SEMA5A: variants seen among roughly 807,000 people sequenced by gnomAD.
SEMA5A encodes the protein semaphorin-5A.
In SEMA5A, 55 loss-of-function variants were observed where a neutral mutation model predicts 135.5. The observed-to-expected ratio is 0.41, with a 90% CI of 0.33 to 0.51. The LOEUF (loss-of-function observed/expected upper bound fraction) is 0.51, where lower values mean the gene tolerates loss of function less well. SEMA5A is among the 20% of genes least tolerant of loss of function. The probability of loss-of-function intolerance (pLI) is 0.37; values close to 1 mark genes in which losing one functional copy is unlikely to be tolerated. For missense variants in SEMA5A, 1,290 were observed against 1,419.9 expected (o/e 0.91, Z 1.47); for synonymous variants, 580 against 546.5 (o/e 1.06, Z -0.85).
chr5:9,350,218 C>T (rs73050560), intron 3 of SEMA5A, among the ~76,000 whole-genome samples: 1 of 152,104 alleles, frequency 6.6e-6, no homozygotes, highest in Non-Finnish European at 1.5e-5. Context: ...ACAAAACTAC[C>T]CTGCATTTAC....
chr5:9,091,899 A>G (rs1739055638), intron 16 of SEMA5A, among the ~76,000 whole-genome samples: 1 of 152,208 alleles, frequency 6.6e-6, no homozygotes, highest in African/African-American at 2.4e-5. Context: ...GTAACCACCC[A>G]AGAAAACCCA....
chr5:9,199,556 G>A (rs1375327589), intron 9 of SEMA5A, among the ~76,000 whole-genome samples: 1 of 152,168 alleles, frequency 6.6e-6, no homozygotes, highest in Non-Finnish European at 1.5e-5. Context: ...GCTTAAAGCT[G>A]GAATCAGTAT....
intron 11 of SEMA5A, among the ~76,000 whole-genome samples, chr5:9,183,277 G>C (rs1271863613): frequency 6.6e-6 from 1 of 152,162 alleles, no homozygotes; most frequent in South Asian, 2.1e-4. Context: ...GCCTGGAGGT[G>C]AAAATGGAAG....
intron 4 of SEMA5A, among the ~76,000 whole-genome samples, chr5:9,335,151 G>A (rs1753327037): frequency 6.6e-6 from 1 of 152,044 alleles, no homozygotes; most frequent in Non-Finnish European, 1.5e-5. Flanking sequence ...GAAGCTCCAG[G>A]GAAACTAGAA....
chr5:9,046,287 TC>T (rs2150031179), intron 21 of SEMA5A, among the ~76,000 whole-genome samples: 2 of 152,324 alleles, frequency 1.3e-5, no homozygotes, highest in East Asian at 3.9e-4. Flanking sequence ...GTGCTGAGCA[TC>T]ACTGTGATGC....
At chr5:9,105,689 A>T (rs1484965546) in intron 16 of SEMA5A, among the ~76,000 whole-genome samples, 2 of 152,162 alleles carry the variant, frequency 1.3e-5, no homozygotes, top group African/African-American at 2.4e-5. Context: ...GCCTTCTCCA[A>T]GGATGACACT....
chr5:9,171,908 G>A (rs908363171), intron 11 of SEMA5A, among the ~76,000 whole-genome samples: 11 of 152,126 alleles, frequency 7.2e-5, no homozygotes, highest in African/African-American at 2.4e-4. Flanking sequence ...ATATGTCCTA[G>A]GACACAGGAC....
At chr5:9,149,032 T>G (rs1455456775) in intron 12 of SEMA5A, among the ~76,000 whole-genome samples, 2 of 152,178 alleles carry the variant, frequency 1.3e-5, no homozygotes, top group African/African-American at 4.8e-5. Flanking sequence ...CCCTTTTGTT[T>G]TGATGTCATC....
Position 9,245,935 on chromosome 5 carries a change from A to G in SEMA5A, c.271-8045T>C, listed in dbSNP as rs139998014. 3.3e-3 allele frequency among the ~76,000 whole-genome samples: 507 copies of G among 152,190 alleles called. 3 individuals are homozygous for G. The highest frequency in any genetic ancestry group is 0.012 in the African/African-American group (478 of 41,528). The stretch of plus-strand genomic sequence containing the variant: ...ATGGAAGATGAGTTCCAATGACCCT[A>G]CTCCTGAACACGAATGAACCCTGCT... On this transcript the variant is annotated intron_variant, in intron 5 of 22. Coordinates refer to ENST00000382496, the MANE Select transcript of SEMA5A (RefSeq NM_003966.3).
At chr5:9,424,132 C>G (rs1757563530) in intron 2 of SEMA5A, among the ~76,000 whole-genome samples, 1 of 152,066 alleles carries the variant, frequency 6.6e-6, no homozygotes, top group South Asian at 2.1e-4. Flanking sequence ...CTGGAAAGAG[C>G]CTGGCTTTGA....
At chr5:9,378,662 G>T (rs1025823560) in intron 3 of SEMA5A, among the ~76,000 whole-genome samples, 6 of 152,172 alleles carry the variant, frequency 3.9e-5, no homozygotes, top group Non-Finnish European at 7.3e-5. Flanking sequence ...TTTGCAAAGG[G>T]TGTGAAATAA....
chr5:9,183,242 A>C (rs1172830578), intron 11 of SEMA5A, among the ~76,000 whole-genome samples: 2 of 152,142 alleles, frequency 1.3e-5, no homozygotes, highest in Non-Finnish European at 2.9e-5. Context: ...GCTTGGCTAC[A>C]TGAGAAGCCT....
At chr5:9,312,688 C>T (rs761414906) in intron 5 of SEMA5A, among the ~76,000 whole-genome samples, 8 of 152,136 alleles carry the variant, frequency 5.3e-5, no homozygotes, top group Non-Finnish European at 8.8e-5. Flanking sequence ...CAAATCTTCA[C>T]GGCTTTAGCA....
chr5:9,377,525 T>C (rs978042103), intron 3 of SEMA5A, among the ~76,000 whole-genome samples: 1 of 151,546 alleles, frequency 6.6e-6, no homozygotes, highest in South Asian at 2.1e-4. Context: ...TCCAGTGAAA[T>C]ATATACGCGA....
At chr5:9,093,276 A>G (rs914713133) in intron 16 of SEMA5A, among the ~76,000 whole-genome samples, 12 of 152,214 alleles carry the variant, frequency 7.9e-5, no homozygotes, top group African/African-American at 2.9e-4. Context: ...TAAGATCAAC[A>G]TGCTTTCTTC....
chr5:9,497,841 C>T lies in SEMA5A; in HGVS notation c.-175+47743G>A, dbSNP rs1461734411. Among the ~76,000 whole-genome samples, 5 of 152,078 alleles carry T rather than the reference C, an allele frequency of 3.3e-5. No homozygotes were observed. In the East Asian group the frequency reaches 9.7e-4, roughly 29 times the overall value. The stretch of plus-strand genomic sequence containing the variant: ...TAAAACTGCACATTTCCCGTTAGTC[C>T]CTCTTTTGGTCTGTCGTTTGACTCT... On this transcript the variant is annotated intron_variant, in intron 1 of 22. Transcript: ENST00000382496.
chr5:9,313,788 A>T (rs931895795), intron 5 of SEMA5A, among the ~76,000 whole-genome samples: 6 of 152,192 alleles, frequency 3.9e-5, no homozygotes, highest in African/African-American at 1.4e-4. Flanking sequence ...CAGGAAGAAG[A>T]TAAATAGGGT....
intron 3 of SEMA5A, among the ~76,000 whole-genome samples, chr5:9,379,235 T>C (rs910331482): frequency 2.0e-5 from 3 of 152,206 alleles, no homozygotes; most frequent in Admixed American, 1.3e-4. Context: ...AGGACAGAGA[T>C]AGAGTCTATT....
chr5:9,283,655 G>A (rs1412580179), intron 5 of SEMA5A, among the ~76,000 whole-genome samples: 1 of 152,140 alleles, frequency 6.6e-6, no homozygotes, highest in Non-Finnish European at 1.5e-5. Flanking sequence ...GGTCCACCAG[G>A]GGGCAGAATC....
Sources: allele counts gnomAD v4.1 joint callset (sites outside exome capture counted in the v4.1 genomes callset), GRCh38; gene constraint gnomAD v4.1.1; transcripts MANE v1.5; gene names NCBI Gene and HGNC (gene_info 2026-07-23, HGNC 2026-07-21).